The following ATP13A3 variants were observed in gnomAD, a reference collection of about 807,000 sequenced individuals.
ATP13A3 encodes the protein ATPase 13A3.
In ATP13A3, 59 loss-of-function variants were observed where a neutral mutation model predicts 158.1. The ratio of observed to expected loss-of-function variants is 0.37; its 90% confidence interval spans 0.30 to 0.46. The LOEUF (loss-of-function observed/expected upper bound fraction) is 0.46, where lower values mean the gene tolerates loss of function less well. Ranked by LOEUF, ATP13A3 falls within the 20% of genes least tolerant of loss-of-function variation. The probability of loss-of-function intolerance (pLI) is 1.00; values close to 1 mark genes in which losing one functional copy is unlikely to be tolerated. For missense variants in ATP13A3, 1,166 were observed against 1,525.2 expected (o/e 0.76, Z 3.92); for synonymous variants, 491 against 504.3 (o/e 0.97, Z 0.35).
intron 15 of ATP13A3, among the ~76,000 whole-genome samples, chr3:194,443,533 A>C (rs1718190362): frequency 6.6e-6 from 1 of 152,190 alleles, no homozygotes; most frequent in Non-Finnish European, 1.5e-5. Context: ...AGGCAAAAGA[A>C]AGCTGGTATA....
Position 194,469,885 on chromosome 3 carries a change from C to T in ATP13A3, c.-46-7649G>A, listed in dbSNP as rs538266130. On this transcript the variant is annotated intron_variant, in intron 2 of 33. Transcript: ENST00000645319. The stretch of plus-strand genomic sequence containing the variant: ...TTTTTGCTGTTGAAATAAAATATGC[C>T]CCAATACGTTTAAAGCCTTAACTTT... 3.3e-5 allele frequency among the ~76,000 whole-genome samples: 5 copies of T among 152,128 alleles called. No individual in the cohort carries two copies. The South Asian group carries it at 6.2e-4, about 19-fold the overall frequency.
At chr3:194,439,049 C>A in intron 16 of ATP13A3, 77 bp from the exon 17 acceptor site, 2 of 926,484 alleles carry the variant, frequency 2.2e-6, no homozygotes, top group Admixed American at 5.3e-5. Context: ...ATTCATGGTT[C>A]CATTTTTAAA....
At chr3:194,415,511 C>T (rs891768048) in intron 31 of ATP13A3, among the ~76,000 whole-genome samples, 4 of 152,052 alleles carry the variant, frequency 2.6e-5, no homozygotes, top group African/African-American at 9.7e-5. Context: ...AGACTACAAC[C>T]TGGAACATCT....
chr3:194,427,744 T>G (rs528968813), intron 28 of ATP13A3, among the ~76,000 whole-genome samples: 117 of 151,932 alleles, frequency 7.7e-4, no homozygotes, highest in Admixed American at 2.3e-3. Flanking sequence ...GTTAATCATC[T>G]CATATATTTA....
At position 194,448,461 on chromosome 3, in the gene ATP13A3, T is replaced by C; in HGVS notation, c.1146A>G (p.Arg382=). Residue 382 remains arginine, a synonymous_variant, in exon 12 of 34, where the codon AGA becomes AGG. Transcript: ENST00000645319. The surrounding 1 kb of genome is among the most constrained non-coding windows in gnomAD (Gnocchi z 4.0). ...ATTAATTAAGATGTTTCCTACCTGT[T>C]CTAACAACTATGGCTTTGACGAGTT... is the stretch of plus-strand genomic sequence containing the variant. ...TGELVKAIVV[R]TGFSTSKGQL... 1.2e-6 allele frequency: 2 copies of C among 1,613,424 alleles called. No individual in the cohort carries two copies. Among genetic ancestry groups the C allele is most frequent in the Non-Finnish European group, 1.7e-6 (2 of 1,179,372 alleles).
At chr3:194,444,585 G>A (rs182758409) in intron 15 of ATP13A3, 140 bp downstream of exon 15, 3 of 642,386 alleles carry the variant, frequency 4.7e-6, no homozygotes, top group Non-Finnish European at 7.3e-6. Context: ...GAAGCGATCT[G>A]AAGCAAATAT....
intron 33 of ATP13A3, among the ~76,000 whole-genome samples, chr3:194,406,850 T>A (rs1478975692): frequency 1.3e-5 from 2 of 152,184 alleles, no homozygotes; most frequent in African/African-American, 2.4e-5. Flanking sequence ...TCCTTACTAA[T>A]ATAAAAAACA....
chr3:194,461,980 T>C (rs1490612883), intron 3 of ATP13A3, among the ~76,000 whole-genome samples, 160 bp downstream of exon 3: 2 of 152,198 alleles, frequency 1.3e-5, no homozygotes. Context: ...CTAATAGACA[T>C]ATTACACAAT....
intron 30 of ATP13A3, among the ~76,000 whole-genome samples, chr3:194,425,013 C>T (rs1012673797): frequency 6.6e-6 from 1 of 152,106 alleles, no homozygotes; most frequent in Non-Finnish European, 1.5e-5. Context: ...TCTCCGCCCC[C>T]GATCCTAACT....
At chr3:194,466,803 C>G (rs897821211) in intron 2 of ATP13A3, among the ~76,000 whole-genome samples, 2 of 152,102 alleles carry the variant, frequency 1.3e-5, no homozygotes, top group Non-Finnish European at 2.9e-5. Flanking sequence ...CTGGGCAGAA[C>G]AGTGAGACTC....
At chr3:194,409,496 C>A (rs942448433) in intron 33 of ATP13A3, among the ~76,000 whole-genome samples, 3 of 151,916 alleles carry the variant, frequency 2.0e-5, no homozygotes, top group Non-Finnish European at 1.5e-5. Context: ...TACTAAGTGC[C>A]CTCAGTTTAC....
chr3:194,470,945 A>G (rs1309849032), intron 2 of ATP13A3, among the ~76,000 whole-genome samples: 1 of 152,198 alleles, frequency 6.6e-6, no homozygotes. Flanking sequence ...GAGATAATCA[A>G]AAAGGCGAAT....
Position 194,455,873 on chromosome 3 carries a change from T to C in ATP13A3, c.630+20A>G, listed in dbSNP as rs762310134. 33 of 1,405,532 alleles carry C rather than the reference T, an allele frequency of 2.3e-5. No individual in the cohort carries two copies. The highest frequency in any genetic ancestry group is 3.2e-5 in the Non-Finnish European group (33 of 1,015,422). 87.1% of individuals were successfully genotyped at this position (1,405,532 alleles called of 1,614,324 possible). The stretch of plus-strand genomic sequence containing the variant: ...TCCATTGATCATGACTGTTAAGTTA[T>C]ATACAATCAATAGTCTTACCTCTTT... On this transcript the variant is annotated intron_variant, in intron 8 of 33. Coordinates refer to ENST00000645319, the MANE Select transcript of ATP13A3 (RefSeq NM_001367549.1).
chr3:194,409,455 C>T (rs1715187260), intron 33 of ATP13A3, among the ~76,000 whole-genome samples: 2 of 152,114 alleles, frequency 1.3e-5, no homozygotes, highest in Admixed American at 1.3e-4. Flanking sequence ...CAGGCATAAT[C>T]AAATTACAGG....
intron 30 of ATP13A3, among the ~76,000 whole-genome samples, chr3:194,424,832 A>G (rs913673617): frequency 6.6e-6 from 1 of 152,246 alleles, no homozygotes; most frequent in African/African-American, 2.4e-5. Flanking sequence ...GATACTAGAA[A>G]TGAAGAATCC....
At chr3:194,406,461 A>T (rs561681761) in intron 33 of ATP13A3, among the ~76,000 whole-genome samples, 3 of 151,964 alleles carry the variant, frequency 2.0e-5, no homozygotes, top group East Asian at 1.9e-4. Flanking sequence ...TTTAGATTAT[A>T]TTTTTTTTGG....
intron 10 of ATP13A3, 110 bp from the exon 11 acceptor site, chr3:194,450,386 G>A: frequency 9.3e-7 from 1 of 1,073,214 alleles, no homozygotes; most frequent in Non-Finnish European, 1.3e-6. Context: ...TTTATAATGG[G>A]GTAAAATAGA....
At chr3:194,411,240 T>C (rs1318954521) in intron 33 of ATP13A3, among the ~76,000 whole-genome samples, 2 of 152,100 alleles carry the variant, frequency 1.3e-5, no homozygotes, top group East Asian at 3.9e-4. Context: ...TAGGTAAAAG[T>C]TGGCTAAAAC....
chr3:194,491,218 T>A (rs1053341544), upstream of ATP13A3, among the ~76,000 whole-genome samples: 1 of 152,162 alleles, frequency 6.6e-6, no homozygotes, highest in African/African-American at 2.4e-5. Context: ...CCTATCATTT[T>A]CACATGGGGT....
Sources: gnomAD v4.1 joint callset for allele counts (sites outside exome capture counted in the v4.1 genomes callset) on GRCh38, gnomAD v4.1.1 for gene constraint, Gnocchi (gnomAD v3.1) non-coding constraint, MANE v1.5 for transcripts, NCBI Gene and HGNC (gene_info 2026-07-23, HGNC 2026-07-21) for gene names.